Variants in HFM1 observed in about 807,000 individuals in gnomAD.
The protein encoded by HFM1 is helicase for meiosis 1, also known as probable ATP-dependent DNA helicase HFM1.
Under a neutral mutation model 192.1 loss-of-function variants are expected in HFM1, and 169 were observed. That is an observed-to-expected ratio of 0.88 (90% confidence interval 0.78 to 1.00). The LOEUF is 1.00. Among genes scored for constraint, HFM1 ranks in the 50% least tolerant of loss-of-function variants. The pLI is 0.00. For synonymous variants in HFM1, 525 were observed against 537.8 expected, an observed-to-expected ratio of 0.98 and a Z score of 0.33; for missense variants, 1,661 against 1,668.0, an observed-to-expected ratio of 1.00 and a Z score of 0.07.
chr1:91,316,672 GA>G (rs141013589), intron 25 of HFM1, among the ~76,000 whole-genome samples, 196 bp from the exon 26 acceptor site: 14,605 of 151,960 alleles, frequency 0.096, 735 homozygotes, highest in East Asian at 0.16. Flanking sequence ...TATTTATTCA[GA>G]CAAATAAAAT....
chr1:91,290,289 C>T (rs1668589222), intron 30 of HFM1, among the ~76,000 whole-genome samples: 1 of 152,198 alleles, frequency 6.6e-6, no homozygotes, highest in African/African-American at 2.4e-5. Context: ...CATCAGTGTG[C>T]TGTATTCAGG....
chr1:91,394,513 C>T, intron 3 of HFM1, 111 bp from the exon 4 acceptor site: 1 of 649,408 alleles, frequency 1.5e-6, no homozygotes, highest in East Asian at 2.7e-5. Context: ...AAGCCAAAAG[C>T]AAAGCACTAG....
chr1:91,304,154 C>A (rs1202420574), intron 30 of HFM1, among the ~76,000 whole-genome samples: 1 of 152,034 alleles, frequency 6.6e-6, no homozygotes, highest in Non-Finnish European at 1.5e-5. Context: ...TGTGCCCGGC[C>A]CCTTGACTAG....
At chr1:91,373,080 G>A (rs1216962935) in intron 13 of HFM1, among the ~76,000 whole-genome samples, 1 of 151,894 alleles carries the variant, frequency 6.6e-6, no homozygotes, top group Admixed American at 6.6e-5. Context: ...AGTATCTAGA[G>A]GGTGAATAAG....
At chr1:91,272,183 C>T (rs1666368324) in intron 34 of HFM1, among the ~76,000 whole-genome samples, 1 of 151,932 alleles carries the variant, frequency 6.6e-6, no homozygotes. Flanking sequence ...ACTAACAGTA[C>T]CAGAAACCCT....
intron 35 of HFM1, among the ~76,000 whole-genome samples, chr1:91,266,550 C>T (rs1319804539): frequency 3.9e-5 from 6 of 152,098 alleles, no homozygotes; most frequent in Non-Finnish European, 5.9e-5. Context: ...CACTCACTCT[C>T]GTTATTTATG....
chr1:91,281,408 T>TC (rs1236263632), intron 30 of HFM1, among the ~76,000 whole-genome samples: 1 of 152,074 alleles, frequency 6.6e-6, no homozygotes, highest in Non-Finnish European at 1.5e-5. Context: ...ACCCATTTAT[T>TC]CCCCCCTCAT....
Position 91,273,828 on chromosome 1 carries a change from A to G in HFM1, c.3669-13T>C, listed in dbSNP as rs1377365083. 2.3e-6 allele frequency: 3 copies of G among 1,318,050 alleles called. No individual in the cohort carries two copies. The allele number at this position is 1,318,050 out of a possible 1,614,324, so 81.6% of individuals were successfully genotyped here. ...TAAATATTCTGACCTTTATAAAGATAAAACCATGAAAATGTTAAAGAAAAT... is the reference window on the plus strand; with the variant it reads ...TAAATATTCTGACCTTTATAAAGATGAAACCATGAAAATGTTAAAGAAAAT... On this transcript the variant is annotated splice_polypyrimidine_tract_variant and intron_variant, in intron 33 of 38. Transcript: ENST00000370425.
At chr1:91,274,271 A>C (rs1055285918) in intron 33 of HFM1, among the ~76,000 whole-genome samples, 6 of 152,060 alleles carry the variant, frequency 3.9e-5, no homozygotes, top group Non-Finnish European at 7.4e-5. Flanking sequence ...GGGACGAAAA[A>C]ATACCTCATT....
rs141303961 is a variant in HFM1, at chr1:91,385,105, TAAAC to T, written c.802+78_802+81del. On this transcript the variant is annotated intron_variant, in intron 6 of 38. Coordinates refer to ENST00000370425, the MANE Select transcript of HFM1 (RefSeq NM_001017975.6). ...CCCTCTTTTTCTCCATCAACCAAAA[TAAAC>T]AAACACAATTAAACAAATGTTTTAA... The T allele has an allele frequency of 2.2e-4, 198 of 905,792 alleles. 1 individual carries two copies. The African/African-American group carries it at 2.7e-3, about 12-fold the overall frequency. The allele number at this position is 905,792 out of a possible 1,614,324, so 56.1% of individuals were successfully genotyped here. A position where few individuals can be genotyped will look rare whatever the true frequency, so the allele number is the denominator to read the frequency against.
chr1:91,271,749 GAA>G (rs1189438238), intron 34 of HFM1, among the ~76,000 whole-genome samples: 1 of 152,088 alleles, frequency 6.6e-6, no homozygotes, highest in East Asian at 1.9e-4. Context: ...GCAAAAAGCT[GAA>G]AGAGTTCATA....
chr1:91,285,551 A>G (rs1303954689), intron 30 of HFM1, among the ~76,000 whole-genome samples: 1 of 152,152 alleles, frequency 6.6e-6, no homozygotes, highest in East Asian at 1.9e-4. Flanking sequence ...ACTAAGAAAG[A>G]GTGTATGTAT....
intron 34 of HFM1, among the ~76,000 whole-genome samples, chr1:91,269,564 T>C (rs1666079390): frequency 6.6e-6 from 1 of 152,150 alleles, no homozygotes; most frequent in African/African-American, 2.4e-5. Context: ...TACTCTACTT[T>C]TGTATGTTGA....
At chr1:91,319,256 G>GA (rs893234159) in intron 24 of HFM1, 37 bp downstream of exon 24, 83 of 1,604,576 alleles carry the variant, frequency 5.2e-5, no homozygotes, top group South Asian at 7.8e-5. Context: ...CAGTTTATTG[G>GA]AAAAAATATT....
intron 20 of HFM1, among the ~76,000 whole-genome samples, chr1:91,327,587 G>A (rs767357736): frequency 4.6e-5 from 7 of 152,060 alleles, no homozygotes; most frequent in Non-Finnish European, 7.4e-5. Flanking sequence ...ACAGAAAATC[G>A]ACAAAGAAAC....
At chr1:91,384,016 C>T (rs1661879052) in intron 6 of HFM1, among the ~76,000 whole-genome samples, 1 of 152,114 alleles carries the variant, frequency 6.6e-6, no homozygotes, top group African/African-American at 2.4e-5. Flanking sequence ...AACCTTTGAC[C>T]TTGGTATTCA....
intron 30 of HFM1, among the ~76,000 whole-genome samples, chr1:91,303,491 G>T (rs1388583579): frequency 6.6e-6 from 1 of 152,142 alleles, no homozygotes; most frequent in Non-Finnish European, 1.5e-5. Flanking sequence ...CTAAGTTTTT[G>T]TATGAATATG....
intron 30 of HFM1, among the ~76,000 whole-genome samples, chr1:91,288,699 GT>G (rs1234351392): frequency 1.3e-5 from 2 of 152,076 alleles, no homozygotes; most frequent in Non-Finnish European, 2.9e-5. Context: ...TGGGGGTAAG[GT>G]TATAGATTAA....
chr1:91,327,887 T>C (rs1358885993), intron 20 of HFM1, among the ~76,000 whole-genome samples: 1 of 152,084 alleles, frequency 6.6e-6, no homozygotes, highest in African/African-American at 2.4e-5. Context: ...AATGAATAAA[T>C]TCAGATGAAA....
Sources: allele counts gnomAD v4.1 joint callset (sites outside exome capture counted in the v4.1 genomes callset), GRCh38; gene constraint gnomAD v4.1.1; transcripts MANE v1.5; gene names NCBI Gene and HGNC (gene_info 2026-07-23, HGNC 2026-07-21).